The following FER variants were observed in gnomAD, a reference collection of about 807,000 sequenced individuals.
FER encodes the protein FER tyrosine kinase, also known as tyrosine-protein kinase Fer.
In FER, 63 loss-of-function variants were observed where a neutral mutation model predicts 111.0. The observed-to-expected ratio is 0.57, with a 90% CI of 0.46 to 0.70. The LOEUF (loss-of-function observed/expected upper bound fraction) is 0.70. Among genes scored for constraint, FER ranks in the 30% least tolerant of loss-of-function variants. The probability of loss-of-function intolerance (pLI) is 0.00; values close to 1 mark genes in which losing one functional copy is unlikely to be tolerated. For missense variants in FER, 914 were observed against 954.0 expected (o/e 0.96, Z 0.55); for synonymous variants, 327 against 313.9 (o/e 1.04, Z -0.44).
intron 5 of FER, among the ~76,000 whole-genome samples, chr5:108,853,782 A>G (rs1205559007): frequency 6.6e-6 from 1 of 152,210 alleles, no homozygotes; most frequent in African/African-American, 2.4e-5. Context: ...CCTTTAAAAC[A>G]CTGACTTTTA....
At chr5:109,131,058 C>T (rs986506483) in intron 17 of FER, among the ~76,000 whole-genome samples, 2 of 152,112 alleles carry the variant, frequency 1.3e-5, no homozygotes, top group African/African-American at 4.8e-5. Flanking sequence ...ATAGAAGACA[C>T]TCAATATATG....
chr5:108,757,304 C>T (rs1040618715), intron 1 of FER, among the ~76,000 whole-genome samples: 2 of 152,142 alleles, frequency 1.3e-5, no homozygotes, highest in South Asian at 4.1e-4. Context: ...GTGTCTATAT[C>T]TTGCTTTGGC....
chr5:108,785,686 C>T, intron 2 of FER: 1 of 333,668 alleles, frequency 3.0e-6, no homozygotes, highest in Non-Finnish European at 5.8e-6. Flanking sequence ...TAGTTAATCT[C>T]TCTTGCTGGT....
chr5:109,116,423 C>T lies in FER; in HGVS notation c.2048+15904C>T, dbSNP rs552095253. ...GAATGCTCTGTCAGATTATTCCCCC[C>T]GCCAAAAAAAAAAAAAAATGAAAAA... On this transcript the variant is annotated intron_variant, in intron 17 of 19. Transcript: ENST00000281092. Among the ~76,000 whole-genome samples, 605 of 121,430 alleles carry T rather than the reference C, an allele frequency of 5.0e-3. 4 individuals carry two copies. The highest frequency in any genetic ancestry group is 0.018 in the African/African-American group (559 of 30,398). 79.7% of individuals were successfully genotyped at this position (121,430 alleles called of 152,430 possible).
At chr5:109,034,274 A>G (rs546465209) in intron 13 of FER, among the ~76,000 whole-genome samples, 1 of 152,276 alleles carries the variant, frequency 6.6e-6, no homozygotes, top group African/African-American at 2.4e-5. Flanking sequence ...ACTGAAATTC[A>G]ACTTTGATAT....
chr5:109,166,316 A>C (rs552022413), intron 17 of FER, among the ~76,000 whole-genome samples: 256 of 152,106 alleles, frequency 1.7e-3, no homozygotes, highest in African/African-American at 5.9e-3. Context: ...AATGAGTTCA[A>C]AGTTGAAGAT....
intron 13 of FER, among the ~76,000 whole-genome samples, chr5:109,007,323 A>G (rs945532448): frequency 1.3e-5 from 2 of 152,204 alleles, no homozygotes; most frequent in African/African-American, 4.8e-5. Context: ...ATTAAGGGAT[A>G]CATTTTACAT....
chr5:108,902,600 G>GC (rs1162161357), intron 10 of FER, among the ~76,000 whole-genome samples: 2 of 152,182 alleles, frequency 1.3e-5, no homozygotes, highest in Non-Finnish European at 2.9e-5. Context: ...CTTTCAAGGA[G>GC]CCTCCTGGGA....
At chr5:109,141,020 T>C (rs1753467908) in intron 17 of FER, among the ~76,000 whole-genome samples, 1 of 152,146 alleles carries the variant, frequency 6.6e-6, no homozygotes, top group Non-Finnish European at 1.5e-5. Flanking sequence ...CTTAGAAAAC[T>C]TGTAGGAACA....
intron 10 of FER, among the ~76,000 whole-genome samples, chr5:108,944,394 A>G (rs1349667883): frequency 1.3e-5 from 2 of 152,120 alleles, no homozygotes; most frequent in Non-Finnish European, 2.9e-5. Flanking sequence ...TGCCAGAACT[A>G]ATTCCTACAC....
At chr5:108,991,126 T>C (rs1763114948) in intron 13 of FER, among the ~76,000 whole-genome samples, 1 of 151,348 alleles carries the variant, frequency 6.6e-6, no homozygotes, top group African/African-American at 2.4e-5. Flanking sequence ...AATAAGAAAA[T>C]TATTAAGTAT....
At chr5:109,023,889 C>T (rs1768288990) in intron 13 of FER, among the ~76,000 whole-genome samples, 1 of 152,056 alleles carries the variant, frequency 6.6e-6, no homozygotes, top group Non-Finnish European at 1.5e-5. Context: ...CTCCCCTTTC[C>T]CCCAAAGATT....
At chr5:108,805,071 G>A (rs985175983) in intron 3 of FER, among the ~76,000 whole-genome samples, 2 of 151,734 alleles carry the variant, frequency 1.3e-5, no homozygotes, top group African/African-American at 4.9e-5. Flanking sequence ...GTTCGGCTGT[G>A]TCCCCACCCA....
chr5:108,995,415 T>C (rs1215809360), intron 13 of FER, among the ~76,000 whole-genome samples: 36 of 152,040 alleles, frequency 2.4e-4, no homozygotes, highest in Admixed American at 2.3e-3. Flanking sequence ...ATCCCTCTAC[T>C]AGCCCCCCAC....
At chr5:108,912,458 TTCAAGAGATTC>T (rs1422631212) in intron 10 of FER, among the ~76,000 whole-genome samples, 2 of 152,276 alleles carry the variant, frequency 1.3e-5, no homozygotes, top group South Asian at 4.1e-4. Context: ...GTCTCCCAGG[TTCAAGAGATTC>T]TCATGCCTCA....
At chr5:109,150,843 T>G (rs1754759421) in intron 17 of FER, among the ~76,000 whole-genome samples, 1 of 152,198 alleles carries the variant, frequency 6.6e-6, no homozygotes, top group Non-Finnish European at 1.5e-5. Flanking sequence ...TGTTTGACCT[T>G]GGATTAGAGC....
chr5:109,073,431 T>C (rs1472772409), intron 16 of FER, among the ~76,000 whole-genome samples: 1 of 152,136 alleles, frequency 6.6e-6, no homozygotes, highest in Non-Finnish European at 1.5e-5. Context: ...AAGGATAATA[T>C]GAGCTCTGAG....
intron 17 of FER, among the ~76,000 whole-genome samples, chr5:109,130,233 G>T (rs1752213496): frequency 6.6e-6 from 1 of 151,726 alleles, no homozygotes; most frequent in African/African-American, 2.4e-5. Context: ...GGAAAATTTG[G>T]CATTTAATAT....
chr5:109,036,134 A>T (rs1770361670), intron 13 of FER, among the ~76,000 whole-genome samples: 1 of 152,100 alleles, frequency 6.6e-6, no homozygotes, highest in African/African-American at 2.4e-5. Flanking sequence ...ATGCTTTTGA[A>T]TAAATGTTTT....
Sources: gnomAD v4.1 joint callset for allele counts (sites outside exome capture counted in the v4.1 genomes callset) on GRCh38, gnomAD v4.1.1 for gene constraint, MANE v1.5 for transcripts, NCBI Gene and HGNC (gene_info 2026-07-23, HGNC 2026-07-21) for gene names.